Variants in OR6N1 observed in about 807,000 individuals in gnomAD.
The protein encoded by OR6N1 is olfactory receptor 6N1.
For synonymous variants in OR6N1, 170 were observed against 150.7 expected (o/e 1.13, Z -0.94); for missense variants, 394 against 371.7 (o/e 1.06, Z -0.49).
chr1:158,819,053 G>C, the OR6N1 span, among the ~76,000 whole-genome samples: 2 of 152,202 alleles, frequency 1.3e-5, no homozygotes. Flanking sequence ...CAAGGGAACA[G>C]TTCCCAGGAG....
chr1:158,840,320 C>T, the OR6N1 span, among the ~76,000 whole-genome samples: 2 of 152,206 alleles, frequency 1.3e-5, no homozygotes, highest in South Asian at 2.1e-4. Flanking sequence ...CTCACAGTTC[C>T]GCACGGCTGG....
chr1:158,803,368 A>G, the OR6N1 span, among the ~76,000 whole-genome samples: 3 of 152,210 alleles, frequency 2.0e-5, no homozygotes, highest in African/African-American at 7.2e-5. Flanking sequence ...AACCTTTCAC[A>G]AAGATGGATA....
At chr1:158,834,372 A>G in the OR6N1 span, among the ~76,000 whole-genome samples, 25 of 151,996 alleles carry the variant, frequency 1.6e-4, no homozygotes, top group Admixed American at 7.9e-4. Context: ...AGCTGGGACT[A>G]CAGACACGCG....
At chr1:158,823,497 A>G in the OR6N1 span, among the ~76,000 whole-genome samples, 11 of 152,184 alleles carry the variant, frequency 7.2e-5, no homozygotes, top group Admixed American at 7.2e-4. Flanking sequence ...TTGTGTGCAT[A>G]AGGCTGTTCA....
rs541376994 is a variant in OR6N1 at position 158,765,900 on chromosome 1, C to T, written c.783G>A (p.Gln261=). ...FYGSILSMYV[Q]LKKSYSLDYD... ...AGTCCAGTGAGTAGCTCTTCTTCAG[C>T]TGCACATACATGGAAAGGATGCTCC... Residue 261 remains glutamine (Q), a synonymous_variant, in exon 2 of 2, where the codon CAG becomes CAA. Coordinates refer to ENST00000641846, the MANE Select transcript of OR6N1 (RefSeq NM_001005185.2). 1.2e-6 allele frequency: 2 copies of T among 1,614,106 alleles called. No homozygotes were observed. Among genetic ancestry groups the T allele is most frequent in the East Asian group, 2.2e-5 (1 of 44,838 alleles).
the OR6N1 span, among the ~76,000 whole-genome samples, chr1:158,790,107 T>C: frequency 6.6e-6 from 1 of 152,208 alleles, no homozygotes; most frequent in Non-Finnish European, 1.5e-5. Context: ...CTTCCCTCAA[T>C]GTATGTTCGT....
chr1:158,766,783 CCTCCCTTCT>C, intron 1 of OR6N1, 83 bp from the exon 2 acceptor site: 1 of 794,012 alleles, frequency 1.3e-6, no homozygotes, highest in Non-Finnish European at 2.0e-6. Flanking sequence ...TTACTATTGC[CCTCCCTTCT>C]CTCACCTCCA....
upstream of OR6N1, among the ~76,000 whole-genome samples, chr1:158,772,533 A>G (rs2102011209): frequency 6.6e-6 from 1 of 152,348 alleles, no homozygotes; most frequent in Non-Finnish European, 1.5e-5. Flanking sequence ...ACAACTTTCA[A>G]TTATGATAGG....
At chr1:158,769,618 T>A (rs767892988) in intron 1 of OR6N1, among the ~76,000 whole-genome samples, 7 of 152,208 alleles carry the variant, frequency 4.6e-5, no homozygotes, top group African/African-American at 1.4e-4. Context: ...CCGGTCTTCT[T>A]ATCACTTCTT....
rs1657282777 is a variant in OR6N1 at position 158,766,663 on chromosome 1, C to T, written c.20G>A (p.Ser7Asn). The T allele has an allele frequency of 5.6e-6, 9 of 1,610,598 alleles. No individual in the cohort carries two copies. The highest frequency in any genetic ancestry group is 2.7e-5 in the African/African-American group (2 of 75,032). ...CAAGATGATGAATTCTGCTACCTGG[C>T]TCCAGTTCCCTGTGTCCATTGCTCA... is the stretch of plus-strand genomic sequence containing the variant. MDTGNW[S>N]QVAEFIILGF... The change falls in exon 2 of 2, where the codon AGC (serine) becomes AAC (asparagine). Residue 7 changes from serine (S) to asparagine (N), a missense_variant. By Grantham distance (46) the Ser-to-Asn change is conservative. Coordinates refer to ENST00000641846, the MANE Select transcript of OR6N1 (RefSeq NM_001005185.2).
the OR6N1 span, among the ~76,000 whole-genome samples, chr1:158,788,518 T>C: frequency 6.6e-6 from 1 of 152,134 alleles, no homozygotes; most frequent in South Asian, 2.1e-4. Context: ...ACAGTATATA[T>C]TTTTGTTTTA....
At chr1:158,796,694 C>T in the OR6N1 span, among the ~76,000 whole-genome samples, 1 of 151,810 alleles carries the variant, frequency 6.6e-6, no homozygotes, top group South Asian at 2.1e-4. Context: ...AGGGAACTTC[C>T]CTATTGCTGT....
chr1:158,771,153 A>AT (rs937146493), intron 1 of OR6N1, among the ~76,000 whole-genome samples: 3 of 152,138 alleles, frequency 2.0e-5, no homozygotes, highest in African/African-American at 7.2e-5. Flanking sequence ...CAAGTCTGTC[A>AT]TTTTTTTCCC....
the OR6N1 span, among the ~76,000 whole-genome samples, chr1:158,834,264 G>A: frequency 8.3e-6 from 1 of 121,036 alleles, no homozygotes; most frequent in Non-Finnish European, 1.7e-5. Context: ...ACGGAGTTTC[G>A]CCCTGTCGCC....
chr1:158,833,901 TTTTTAA>T, the OR6N1 span, among the ~76,000 whole-genome samples: 1 of 152,224 alleles, frequency 6.6e-6, no homozygotes, highest in African/African-American at 2.4e-5. Context: ...GGTAATGTTA[TTTTTAA>T]TTTTAAGAGT....
At chr1:158,790,517 G>A in the OR6N1 span, among the ~76,000 whole-genome samples, 1 of 149,502 alleles carries the variant, frequency 6.7e-6, no homozygotes, top group Non-Finnish European at 1.5e-5. Flanking sequence ...CCATTCTCCT[G>A]CCTCAGCCTC....
At chr1:158,818,121 A>T in the OR6N1 span, among the ~76,000 whole-genome samples, 7 of 152,098 alleles carry the variant, frequency 4.6e-5, no homozygotes, top group African/African-American at 1.7e-4. Flanking sequence ...TAAATACCAA[A>T]CCATCTCCCT....
At chr1:158,825,888 A>G in the OR6N1 span, among the ~76,000 whole-genome samples, 24 of 152,234 alleles carry the variant, frequency 1.6e-4, no homozygotes, top group Non-Finnish European at 1.8e-4. Flanking sequence ...ACATTCATCA[A>G]TGGTAGACTG....
upstream of OR6N1, chr1:158,774,672 A>T (rs750765992): frequency 2.6e-5 from 4 of 151,990 alleles, no homozygotes; most frequent in Admixed American, 2.0e-4. Context: ...AATGAATATT[A>T]TCTAGGGATA....
Sources: allele counts gnomAD v4.1 joint callset (sites outside exome capture counted in the v4.1 genomes callset), GRCh38; gene constraint gnomAD v4.1.1; transcripts MANE v1.5; gene names NCBI Gene and HGNC (gene_info 2026-07-23, HGNC 2026-07-21).